Variants in MEIG1 observed in about 807,000 individuals in gnomAD.
MEIG1 encodes the protein meiosis expressed gene 1 protein homolog.
MEIG1 carries 12 observed loss-of-function variants against 11.3 expected under a neutral mutation model. That is an observed-to-expected ratio of 1.07 (90% CI 0.68 to 1.73). The LOEUF is 1.73. Ranked by LOEUF, MEIG1 falls within the 40% of genes most tolerant of loss-of-function variation. The pLI is 0.00. For missense variants in MEIG1, 119 were observed against 104.9 expected (o/e 1.13, Z -0.59); for synonymous variants, 41 against 33.2 (o/e 1.24, Z -0.81).
chr10:14,987,620 A>C, intron 2 of MEIG1: 1 of 519,854 alleles, frequency 1.9e-6, no homozygotes, highest in South Asian at 2.0e-5. Flanking sequence ...TACGTGATTT[A>C]CTTTTTAGCT....
In MEIG1 at chr10:14,982,406, A is replaced by G. The variant is rs559955872; in HGVS notation, n.67-4390A>G. ...TAGCCACTTAGTTGCTGCTTGGAGG[A>G]CTCTTTGCCTTTCATCTCTGTTAAA... On this transcript the variant is annotated intron_variant and non_coding_transcript_variant, in intron 1 of 2. Coordinates refer to the MEIG1 transcript ENST00000467536. 7.3e-5 allele frequency among the ~76,000 whole-genome samples: 11 copies of G among 151,104 alleles called. No individual in the cohort carries two copies. The South Asian group carries it at 2.1e-3, about 29-fold the overall frequency.
intron 1 of MEIG1, among the ~76,000 whole-genome samples, chr10:14,978,280 A>C (rs1439669363): frequency 6.6e-6 from 1 of 151,990 alleles, no homozygotes; most frequent in African/African-American, 2.4e-5. Flanking sequence ...GGGTGTAGAC[A>C]CATGGTGTAC....
chr10:14,979,565 G>C (rs934198121), intron 1 of MEIG1, among the ~76,000 whole-genome samples: 9 of 152,028 alleles, frequency 5.9e-5, no homozygotes, highest in South Asian at 4.1e-4. Flanking sequence ...ATTCTAGCGG[G>C]ATTTTACTTT....
At chr10:14,973,448 C>T (rs1464543502), downstream of MEIG1, among the ~76,000 whole-genome samples, 1 of 152,050 alleles carries the variant, frequency 6.6e-6, no homozygotes, top group African/African-American at 2.4e-5. Context: ...AAGTCCTCCA[C>T]TAGTGACTGC....
At chr10:14,969,417 C>A (rs1201625761) in intron 2 of MEIG1, among the ~76,000 whole-genome samples, 1 of 148,274 alleles carries the variant, frequency 6.7e-6, no homozygotes, top group East Asian at 2.0e-4. Flanking sequence ...CACTGCACAC[C>A]AGCCTGGGTG....
rs530910792 is a variant in MEIG1 at position 14,964,869 on chromosome 10, C to G, written c.-29-1571C>G. 5.7e-4 allele frequency among the ~76,000 whole-genome samples: 87 copies of G among 151,628 alleles called. 1 individual carries two copies. Among genetic ancestry groups the G allele is most frequent in the African/African-American group, 2.0e-3 (81 of 41,300 alleles). On this transcript the variant is annotated intron_variant, in intron 1 of 2. Transcript: ENST00000407572. Reference sequence around the variant, plus strand: ...ATGGTGTGATCTCAGCTCACTGCAACCTCCACCTCCCAGGTTCAAGTGATT... The same window carrying G: ...ATGGTGTGATCTCAGCTCACTGCAAGCTCCACCTCCCAGGTTCAAGTGATT...
chr10:14,959,963 GGT>G, intron 1 of MEIG1, among the ~76,000 whole-genome samples: 1 of 152,370 alleles, frequency 6.6e-6, no homozygotes, highest in African/African-American at 2.4e-5. Context: ...GGGGACTGCA[GGT>G]TAGCTGTGAG....
intron 2 of MEIG1, among the ~76,000 whole-genome samples, chr10:14,968,233 A>G (rs1365706568): frequency 2.0e-5 from 3 of 152,178 alleles, no homozygotes; most frequent in Admixed American, 1.3e-4. Context: ...CACGCCTGCA[A>G]TCCCAGCCCT....
downstream of MEIG1, among the ~76,000 whole-genome samples, chr10:14,975,441 T>G (rs1843199776): frequency 6.6e-6 from 1 of 152,106 alleles, no homozygotes; most frequent in African/African-American, 2.4e-5. Context: ...GATATTGTTC[T>G]TAACATTCAA....
chr10:14,983,248 G>A (rs572108658), intron 1 of MEIG1, among the ~76,000 whole-genome samples: 1 of 152,194 alleles, frequency 6.6e-6, no homozygotes, highest in South Asian at 2.1e-4. Context: ...CATCCACCCG[G>A]TGATATTCCT....
chr10:14,984,256 A>AG (rs1228570486), intron 1 of MEIG1, among the ~76,000 whole-genome samples: 1 of 149,564 alleles, frequency 6.7e-6, no homozygotes, highest in Admixed American at 6.6e-5. Context: ...AGGGTGGGAG[A>AG]GGGGGGTGAT....
Position 14,966,481 on chromosome 10 carries a change from G to C in MEIG1, c.13G>C (p.Asp5His). 1.2e-6 allele frequency: 2 copies of C among 1,608,218 alleles called. No individual in the cohort carries two copies. Among genetic ancestry groups the C allele is most frequent in the South Asian group, 2.2e-5 (2 of 89,418 alleles). Residue 5 changes from aspartate (D) to histidine (H), a missense_variant, in exon 2 of 3, where the codon GAC becomes CAC. By Grantham distance (81) the Asp-to-His change is moderately conservative. Transcript: ENST00000407572. ...GGCCTCTGTAACCATGGCTAGTTCT[G>C]ACGTAAAACCAAAATCAGTAAGTCA... is the stretch of plus-strand genomic sequence containing the variant. MASS[D>H]VKPKSVSHAK...
At chr10:14,956,045 A>C (rs933432763), upstream of MEIG1, among the ~76,000 whole-genome samples, 1 of 152,210 alleles carries the variant, frequency 6.6e-6, no homozygotes, top group Non-Finnish European at 1.5e-5. Flanking sequence ...GATCTTATGT[A>C]TTTGCTCACT....
upstream of MEIG1, among the ~76,000 whole-genome samples, chr10:14,955,151 C>A (rs1381834950): frequency 6.6e-6 from 1 of 152,128 alleles, no homozygotes; most frequent in African/African-American, 2.4e-5. Flanking sequence ...AGGCTGGTCT[C>A]GAGCTCCTGG....
intron 1 of MEIG1, among the ~76,000 whole-genome samples, chr10:14,980,994 A>G (rs1218963085): frequency 6.6e-6 from 1 of 151,982 alleles, no homozygotes; most frequent in South Asian, 2.1e-4. Flanking sequence ...CGGCCTGTAG[A>G]CCTTGGTCTG....
chr10:14,977,774 T>C (rs893240775), downstream of MEIG1, among the ~76,000 whole-genome samples: 3 of 151,964 alleles, frequency 2.0e-5, no homozygotes, highest in Non-Finnish European at 4.4e-5. Context: ...TAGGGAGATA[T>C]TCCTGCTAAT....
chr10:14,981,292 A>T (rs1182108461), intron 1 of MEIG1, among the ~76,000 whole-genome samples: 1 of 151,872 alleles, frequency 6.6e-6, no homozygotes, highest in African/African-American at 2.4e-5. Context: ...TGTAAGGGTC[A>T]TAATGACTCC....
chr10:14,971,692 A>G (rs1046885517), intron 2 of MEIG1, among the ~76,000 whole-genome samples: 1 of 152,264 alleles, frequency 6.6e-6, no homozygotes, highest in Admixed American at 6.5e-5. Flanking sequence ...GCCTGGGCTT[A>G]GCCCTAATTT....
downstream of MEIG1, among the ~76,000 whole-genome samples, chr10:14,974,636 C>G (rs1240215569): frequency 6.6e-6 from 1 of 151,904 alleles, no homozygotes; most frequent in Non-Finnish European, 1.5e-5. Flanking sequence ...TAATAACTAT[C>G]AATATTAATA....
Sources: allele counts gnomAD v4.1 joint callset (sites outside exome capture counted in the v4.1 genomes callset), GRCh38; gene constraint gnomAD v4.1.1; transcripts MANE v1.5; gene names NCBI Gene and HGNC (gene_info 2026-07-23, HGNC 2026-07-21).